Variants in SLC9C2 observed in about 807,000 individuals in gnomAD.
The protein encoded by SLC9C2 is solute carrier family 9 member C2 (putative).
SLC9C2 carries 75 observed loss-of-function variants against 140.2 expected under a neutral mutation model. The ratio of observed to expected loss-of-function variants is 0.53; its 90% CI spans 0.44 to 0.65. The LOEUF (loss-of-function observed/expected upper bound fraction) is 0.65, where lower values mean the gene tolerates loss of function less well. Among genes scored for constraint, SLC9C2 ranks in the 30% least tolerant of loss-of-function variants. The pLI is 0.00. For missense variants in SLC9C2, 1,074 were observed against 1,331.8 expected (o/e 0.81, Z 3.01); for synonymous variants, 375 against 420.9 (o/e 0.89, Z 1.34).
At chr1:173,501,999 C>T (rs972753193) in intron 27 of SLC9C2, among the ~76,000 whole-genome samples, 2 of 151,906 alleles carry the variant, frequency 1.3e-5, no homozygotes, top group Middle Eastern at 3.2e-3. Flanking sequence ...TATGGCTGGG[C>T]GCGGTGGCTC....
intron 18 of SLC9C2, among the ~76,000 whole-genome samples, chr1:173,528,166 T>C (rs1661340821): frequency 6.6e-6 from 1 of 152,224 alleles, no homozygotes; most frequent in African/African-American, 2.4e-5. Context: ...CATACATTTA[T>C]TTTTCTTAAG....
At chr1:173,544,763 A>G (rs1377386867) in intron 13 of SLC9C2, among the ~76,000 whole-genome samples, 1 of 152,182 alleles carries the variant, frequency 6.6e-6, no homozygotes, top group African/African-American at 2.4e-5. Flanking sequence ...AAGGACAAAA[A>G]ACCAAACACC....
intron 25 of SLC9C2, among the ~76,000 whole-genome samples, chr1:173,505,991 T>C (rs921005502): frequency 1.3e-5 from 2 of 152,210 alleles, no homozygotes; most frequent in African/African-American, 4.8e-5. Flanking sequence ...GTATTACTCC[T>C]GTTGCTTCCT....
intron 2 of SLC9C2, 74 bp from the exon 3 acceptor site, chr1:173,600,291 C>T: frequency 9.8e-7 from 1 of 1,021,352 alleles, no homozygotes; most frequent in Non-Finnish European, 1.4e-6. Context: ...CACTTTTGCA[C>T]CATCCCAAAG....
At chr1:173,546,318 A>G (rs1255882274) in intron 13 of SLC9C2, among the ~76,000 whole-genome samples, 1 of 152,244 alleles carries the variant, frequency 6.6e-6, no homozygotes, top group African/African-American at 2.4e-5. Flanking sequence ...AGATCACTTG[A>G]GGCCAGAAGT....
At chr1:173,513,490 G>C (rs1303068719) in intron 23 of SLC9C2, among the ~76,000 whole-genome samples, 1 of 152,010 alleles carries the variant, frequency 6.6e-6, no homozygotes, top group Non-Finnish European at 1.5e-5. Flanking sequence ...TATTTCTGTG[G>C]GGTCAGTGGT....
At chr1:173,567,908 A>G (rs1358389476) in intron 9 of SLC9C2, among the ~76,000 whole-genome samples, 2 of 152,142 alleles carry the variant, frequency 1.3e-5, no homozygotes, top group Non-Finnish European at 2.9e-5. Flanking sequence ...ACTTAACACT[A>G]ATTGCATAAA....
chr1:173,509,202 G>A (rs1459432961), intron 24 of SLC9C2, among the ~76,000 whole-genome samples: 1 of 152,100 alleles, frequency 6.6e-6, no homozygotes, highest in African/African-American at 2.4e-5. Context: ...CCAGCACTTT[G>A]GGAGGCCGAG....
chr1:173,539,747 G>C (rs969726550), intron 13 of SLC9C2, among the ~76,000 whole-genome samples: 7 of 152,176 alleles, frequency 4.6e-5, no homozygotes, highest in Admixed American at 3.9e-4. Flanking sequence ...AGAGTTCATA[G>C]AGGAGACTGA....
At chr1:173,567,146 T>C (rs1664524307) in intron 9 of SLC9C2, among the ~76,000 whole-genome samples, 2 of 152,168 alleles carry the variant, frequency 1.3e-5, no homozygotes, top group South Asian at 4.1e-4. Flanking sequence ...ATTCTGCAGC[T>C]CTTGGACAAA....
chr1:173,570,961 T>C (rs1664807020), intron 9 of SLC9C2, among the ~76,000 whole-genome samples: 1 of 152,194 alleles, frequency 6.6e-6, no homozygotes, highest in Non-Finnish European at 1.5e-5. Flanking sequence ...CTACCCTCTT[T>C]AGTGCCTCTT....
chr1:173,563,015 G>A (rs1217078869), intron 9 of SLC9C2, among the ~76,000 whole-genome samples: 3 of 151,780 alleles, frequency 2.0e-5, no homozygotes, highest in Non-Finnish European at 2.9e-5. Flanking sequence ...TGGTGGAGGC[G>A]GACAGCAGGG....
At chr1:173,600,024 A>G in intron 3 of SLC9C2, 93 bp downstream of exon 3, 1 of 794,926 alleles carries the variant, frequency 1.3e-6, no homozygotes, top group Non-Finnish European at 1.9e-6. Context: ...TTCCCATAAG[A>G]AAAAACATTC....
At chr1:173,582,980 A>T (rs1665638909) in intron 6 of SLC9C2, among the ~76,000 whole-genome samples, 1 of 152,222 alleles carries the variant, frequency 6.6e-6, no homozygotes, top group Non-Finnish European at 1.5e-5. Flanking sequence ...ACATGCATTT[A>T]TGCATATTGA....
At chr1:173,513,551 T>C (rs1212564363) in intron 23 of SLC9C2, among the ~76,000 whole-genome samples, 2 of 152,178 alleles carry the variant, frequency 1.3e-5, no homozygotes, top group Non-Finnish European at 1.5e-5. Context: ...CTCTCTCTTT[T>C]CTTCATTAGT....
At chr1:173,601,608 C>T (rs776200565) in intron 2 of SLC9C2, 42 bp downstream of exon 2, 30 of 1,599,380 alleles carry the variant, frequency 1.9e-5, no homozygotes, top group Non-Finnish European at 2.5e-5. Context: ...ACAAAAGGTT[C>T]ACAGGGCAGA....
intron 9 of SLC9C2, among the ~76,000 whole-genome samples, chr1:173,558,142 A>G (rs1023317459): frequency 6.6e-6 from 1 of 152,226 alleles, no homozygotes; most frequent in Non-Finnish European, 1.5e-5. Context: ...AATTTCAGCG[A>G]AAGTGAAAAC....
At chr1:173,512,121 T>C (rs1274218085) in intron 23 of SLC9C2, among the ~76,000 whole-genome samples, 1 of 152,178 alleles carries the variant, frequency 6.6e-6, no homozygotes, top group Admixed American at 6.5e-5. Flanking sequence ...CTTACGATTG[T>C]CTTGTCTATG....
At chr1:173,545,811 G>A (rs1230106060) in intron 13 of SLC9C2, among the ~76,000 whole-genome samples, 5 of 152,156 alleles carry the variant, frequency 3.3e-5, no homozygotes, top group Non-Finnish European at 7.3e-5. Context: ...CTATTAAGAG[G>A]TTGAATCTAT....
Sources: gnomAD v4.1 joint callset for allele counts (sites outside exome capture counted in the v4.1 genomes callset) on GRCh38, gnomAD v4.1.1 for gene constraint, MANE v1.5 for transcripts, NCBI Gene and HGNC (gene_info 2026-07-23, HGNC 2026-07-21) for gene names.